Variants in PRDM1 observed in about 807,000 individuals in gnomAD.
PRDM1 encodes the protein PR domain zinc finger protein 1.
Under a neutral mutation model 62.8 loss-of-function variants are expected in PRDM1, and 13 were observed. That is an observed-to-expected ratio of 0.21 (90% confidence interval 0.13 to 0.33). The LOEUF (loss-of-function observed/expected upper bound fraction) is 0.33. Ranked by LOEUF, PRDM1 falls within the 10% of genes least tolerant of loss-of-function variation. The pLI is 1.00. For synonymous variants in PRDM1, 396 were observed against 417.6 expected (o/e 0.95, Z 0.63); for missense variants, 895 against 1,058.8 (o/e 0.85, Z 2.15).
At chr6:106,104,649 A>G (rs771639418) in intron 4 of PRDM1, among the ~76,000 whole-genome samples, 176 bp from the exon 5 acceptor site, 1 of 152,220 alleles carries the variant, frequency 6.6e-6, no homozygotes, top group Non-Finnish European at 1.5e-5. Flanking sequence ...ACGGAACTGC[A>G]CTTTTGAGTG....
At chr6:105,998,974 G>A (rs1354602177) in intron 1 of PRDM1, among the ~76,000 whole-genome samples, 1 of 139,786 alleles carries the variant, frequency 7.2e-6, no homozygotes, top group African/African-American at 2.6e-5. Context: ...ATCTCACTCT[G>A]TCACTCAGGT....
At chr6:106,105,963 G>T (rs758402921) in intron 5 of PRDM1, 30 bp downstream of exon 5, 1 of 1,587,834 alleles carries the variant, frequency 6.3e-7, no homozygotes, top group African/African-American at 1.4e-5. Context: ...AGTCCAAGGG[G>T]CTGTGAGTGC....
intron 1 of PRDM1, among the ~76,000 whole-genome samples, chr6:106,033,682 T>C (rs1772881777): frequency 6.6e-6 from 1 of 152,168 alleles, no homozygotes; most frequent in South Asian, 2.1e-4. Context: ...TGTCAATATT[T>C]ATAAGGGATA....
chr6:106,014,014 T>C lies in PRDM1; in HGVS notation c.-67+20375T>C, dbSNP rs553503000. On this transcript the variant is annotated intron_variant, in intron 1 of 6. Transcript: ENST00000652320. ...TGTATTTATTTGTTTACTTCTTTAC[T>C]GTCTGTCTCTCCAACCAGAATGCTA... Among the ~76,000 whole-genome samples, 14 of 152,068 alleles carry C rather than the reference T, an allele frequency of 9.2e-5. No homozygotes were observed. The East Asian group carries it at 2.7e-3, about 29-fold the overall frequency.
At chr6:106,037,162 T>G (rs1405519025) in intron 1 of PRDM1, among the ~76,000 whole-genome samples, 1 of 152,176 alleles carries the variant, frequency 6.6e-6, no homozygotes, top group Non-Finnish European at 1.5e-5. Context: ...GATATAGGAT[T>G]CTTGGCTGAG....
Position 106,104,891 on chromosome 6 carries a change from C to T in PRDM1, c.731C>T (p.Pro244Leu). 6.2e-7 allele frequency: 1 copy of T among 1,614,016 alleles called. No homozygotes were observed. Among genetic ancestry groups the T allele is most frequent in the Non-Finnish European group, 8.5e-7 (1 of 1,179,994 alleles). The change falls in exon 5 of 7, where the codon CCA becomes CTA. Residue 244 changes from proline to leucine, a missense_variant. Physicochemically the swap from Pro to Leu is moderately conservative, Grantham distance 98 (BLOSUM62 -3). Around this residue, in one of 4 missense-constraint regions of PRDM1, gnomAD observed 444 missense variants for 422.7 expected, o/e 1.05. Transcript: ENST00000369096. ...EKNELCPKNV[P>L]KREYSVKEIL... ...AATGAACTCTGCCCAAAGAATGTCC[C>T]AAAGAGAGAGTACAGCGTGAAAGAA... is the stretch of plus-strand genomic sequence containing the variant.
At chr6:106,001,685 A>G (rs894889556) in intron 1 of PRDM1, among the ~76,000 whole-genome samples, 6 of 151,928 alleles carry the variant, frequency 3.9e-5, no homozygotes, top group African/African-American at 1.2e-4. Flanking sequence ...TCATTGGTCT[A>G]TTTGTATTTG....
intron 1 of PRDM1, among the ~76,000 whole-genome samples, chr6:106,063,584 A>G (rs11962783): frequency 2.6e-5 from 4 of 152,150 alleles, no homozygotes; most frequent in African/African-American, 9.7e-5. Context: ...TTTCTAAAAA[A>G]AATAGGAAAG....
In PRDM1 at chr6:106,107,470, A is replaced by G. The variant is rs763833695; in HGVS notation, c.2462A>G (p.Glu821Gly). The change falls in exon 7 of 7, where the codon GAA becomes GGA. Residue 821 changes from glutamate (E) to glycine (G), a missense_variant. Transcript: ENST00000369096. ...GTAAAGGTCAAACAAGAAACAGTTG[A>G]ACCAATGGATCCTTAAGATTTTCAG... ...VPVKVKQETV[E>G]PMDP is the part of the protein sequence containing the mutation. 3.7e-5 allele frequency: 59 copies of G among 1,602,270 alleles called. No homozygotes were observed. The highest frequency in any genetic ancestry group is 8.5e-7 in the Non-Finnish European group (1 of 1,174,508).
At chr6:106,054,014 C>T (rs967046829) in intron 1 of PRDM1, among the ~76,000 whole-genome samples, 3 of 151,870 alleles carry the variant, frequency 2.0e-5, no homozygotes, top group African/African-American at 7.3e-5. Context: ...AGAGCAGGAT[C>T]ATTGTGTTGG....
intron 1 of PRDM1, among the ~76,000 whole-genome samples, chr6:105,995,061 T>G (rs929839196): frequency 6.6e-6 from 1 of 152,120 alleles, no homozygotes; most frequent in African/African-American, 2.4e-5. Flanking sequence ...GAGAGATGAG[T>G]CAAGCGCAAA....
chr6:106,056,824 A>C (rs1015110476), intron 1 of PRDM1, among the ~76,000 whole-genome samples: 6 of 151,938 alleles, frequency 3.9e-5, no homozygotes, highest in Non-Finnish European at 7.4e-5. Context: ...CAGCCTCCTC[A>C]GTTCTGAATA....
intron 1 of PRDM1, among the ~76,000 whole-genome samples, chr6:106,016,440 T>C (rs188006754): frequency 1.3e-5 from 2 of 152,302 alleles, no homozygotes; most frequent in African/African-American, 2.4e-5. Context: ...GTAGTATGTC[T>C]TATTCTTTCT....
intron 1 of PRDM1, among the ~76,000 whole-genome samples, chr6:106,058,536 T>G (rs995220446): frequency 3.3e-5 from 5 of 152,180 alleles, no homozygotes; most frequent in African/African-American, 1.2e-4. Context: ...CTCCATGTGC[T>G]TCCACTTTGG....
rs192585012 is a variant in PRDM1, at chr6:106,035,497, C to T, written c.-67+41858C>T. 2.0e-5 allele frequency among the ~76,000 whole-genome samples: 3 copies of T among 152,158 alleles called. No homozygotes were observed. In the East Asian group the frequency reaches 5.8e-4, roughly 29 times the overall value. ...TTAAAAAATTAACTGGGTGTGGTGG[C>T]ACATGCCTGTAGCCACAGCTACTCA... is the stretch of plus-strand genomic sequence containing the variant. On this transcript the variant is annotated intron_variant, in intron 1 of 6. Transcript: ENST00000652320.
At chr6:106,090,715 C>CT (rs1486377563) in intron 2 of PRDM1, among the ~76,000 whole-genome samples, 3 of 152,158 alleles carry the variant, frequency 2.0e-5, no homozygotes, top group Non-Finnish European at 4.4e-5. Flanking sequence ...TAGGAAGAGT[C>CT]TTTCTACATG....
chr6:106,029,569 T>C (rs867565481), intron 1 of PRDM1, among the ~76,000 whole-genome samples: 4 of 152,178 alleles, frequency 2.6e-5, no homozygotes, highest in Non-Finnish European at 4.4e-5. Context: ...GAGTAGTCCA[T>C]TGTATGGATA....
rs143180955 is a variant in PRDM1 at position 106,068,261 on chromosome 6, T to C, written c.-67+19547T>C. Among the ~76,000 whole-genome samples the C allele has an allele frequency of 1.2e-3, 177 of 152,190 alleles. No homozygotes were observed. The East Asian group carries it at 0.031, about 27-fold the overall frequency. The stretch of plus-strand genomic sequence containing the variant: ...CGGATGCCACGACGCCCAGCCAATT[T>C]TTGTATTTTTAGTAGAGACAGGGTT... On this transcript the variant is annotated intron_variant, in intron 1 of 6. Transcript: ENST00000651185.
intron 4 of PRDM1, among the ~76,000 whole-genome samples, chr6:106,103,562 A>G (rs756003144): frequency 6.6e-6 from 1 of 152,058 alleles, no homozygotes; most frequent in Non-Finnish European, 1.5e-5. Flanking sequence ...TAAACATCGT[A>G]TGTTTTACTT....
Sources: allele counts gnomAD v4.1 joint callset (sites outside exome capture counted in the v4.1 genomes callset), GRCh38; gene constraint gnomAD v4.1.1; regional missense constraint gnomAD v4.1.1; transcripts MANE v1.5; gene names NCBI Gene and HGNC (gene_info 2026-07-23, HGNC 2026-07-21).